MECOM: variants seen among roughly 807,000 people sequenced by gnomAD.
The protein encoded by MECOM is MDS1 and EVI1 complex locus, also known as histone-lysine N-methyltransferase MECOM.
Under a neutral mutation model 116.3 loss-of-function variants are expected in MECOM, and 13 were observed. That is an observed-to-expected ratio of 0.11 (90% confidence interval 0.07 to 0.18). The LOEUF (loss-of-function observed/expected upper bound fraction) is 0.18. Among genes scored for constraint, MECOM ranks in the 10% least tolerant of loss-of-function variants. MECOM has a pLI of 1.00. For synonymous variants in MECOM, 528 were observed against 535.2 expected (o/e 0.99, Z 0.19); for missense variants, 1,299 against 1,509.0 (o/e 0.86, Z 2.31).
intron 1 of MECOM, among the ~76,000 whole-genome samples, chr3:169,509,210 C>T (rs550566869): frequency 2.6e-5 from 4 of 152,238 alleles, no homozygotes; most frequent in African/African-American, 9.6e-5. Flanking sequence ...ACCAGCAGCT[C>T]CTGGTGTGAC....
At chr3:169,294,446 C>A (rs968757495) in intron 2 of MECOM, among the ~76,000 whole-genome samples, 4 of 152,128 alleles carry the variant, frequency 2.6e-5, no homozygotes, top group African/African-American at 9.7e-5. Context: ...CGTAAGGTCA[C>A]AAACAAAGTA....
intron 1 of MECOM, among the ~76,000 whole-genome samples, chr3:169,404,506 T>A (rs1736360653): frequency 1.3e-5 from 2 of 151,712 alleles, no homozygotes; most frequent in Non-Finnish European, 2.9e-5. Context: ...GCAGAGAAAA[T>A]CCAAAGCAAA....
At chr3:169,375,959 C>T (rs542737451) in intron 2 of MECOM, among the ~76,000 whole-genome samples, 3 of 152,238 alleles carry the variant, frequency 2.0e-5, no homozygotes, top group South Asian at 2.1e-4. Context: ...AATCCAGCAG[C>T]ACATCAGAAA....
chr3:169,099,854 T>C (rs1722935215), intron 12 of MECOM, among the ~76,000 whole-genome samples: 1 of 152,028 alleles, frequency 6.6e-6, no homozygotes, highest in Non-Finnish European at 1.5e-5. Context: ...GAAAGAGTAA[T>C]GTTGTCTATT....
intron 2 of MECOM, among the ~76,000 whole-genome samples, chr3:169,364,002 C>T (rs988447816): frequency 6.6e-6 from 1 of 151,936 alleles, no homozygotes; most frequent in East Asian, 1.9e-4. Context: ...TTCCTGCTTG[C>T]TTCTTAGTGA....
chr3:169,126,068 T>C (rs1336812378), intron 5 of MECOM, among the ~76,000 whole-genome samples: 2 of 152,138 alleles, frequency 1.3e-5, no homozygotes, highest in African/African-American at 2.4e-5. Context: ...GCTTTATCCA[T>C]ATGGCTGGAC....
At chr3:169,443,799 G>A (rs77685447) in intron 1 of MECOM, among the ~76,000 whole-genome samples, 1 of 152,068 alleles carries the variant, frequency 6.6e-6, no homozygotes, top group South Asian at 2.1e-4. Flanking sequence ...TTTAGCAATC[G>A]CTCCCTGAGG....
chr3:169,482,033 A>C (rs912795091), intron 1 of MECOM, among the ~76,000 whole-genome samples: 5 of 152,178 alleles, frequency 3.3e-5, no homozygotes, highest in Admixed American at 2.0e-4. Context: ...GGAATATGCT[A>C]TCTCTCTCCT....
chr3:169,436,857 T>G (rs1465804118), intron 1 of MECOM, among the ~76,000 whole-genome samples: 3 of 152,198 alleles, frequency 2.0e-5, no homozygotes, highest in African/African-American at 7.2e-5. Flanking sequence ...ATGTTTTGAC[T>G]AAAGAGTCCA....
At chr3:169,419,424 C>T (rs1739319041) in intron 1 of MECOM, among the ~76,000 whole-genome samples, 1 of 152,100 alleles carries the variant, frequency 6.6e-6, no homozygotes, top group African/African-American at 2.4e-5. Context: ...CAAATAAGAG[C>T]CCATATAGCC....
At chr3:169,176,182 C>T (rs904984661) in intron 2 of MECOM, among the ~76,000 whole-genome samples, 10 of 151,548 alleles carry the variant, frequency 6.6e-5, no homozygotes, top group African/African-American at 2.2e-4. Context: ...AGAAAGTTTG[C>T]TAATTTCTGT....
At chr3:169,378,519 AAAGAAAG>A (rs1731749819) in intron 2 of MECOM, among the ~76,000 whole-genome samples, 9 of 10,764 alleles carry the variant, frequency 8.4e-4, no homozygotes, top group Non-Finnish European at 1.5e-3. Context: ...GAAAGAAAAG[AAAGAAAG>A]AAAGAAAGAA....
intron 1 of MECOM, among the ~76,000 whole-genome samples, chr3:169,518,206 C>G (rs1392077673): frequency 6.6e-6 from 1 of 151,764 alleles, no homozygotes; most frequent in Admixed American, 6.6e-5. Context: ...TTGCAGTGAG[C>G]CGAGATCGCA....
chr3:169,132,125 C>A (rs1388883490), intron 3 of MECOM, among the ~76,000 whole-genome samples: 1 of 152,232 alleles, frequency 6.6e-6, no homozygotes, highest in African/African-American at 2.4e-5. Context: ...TGCCCTCAGG[C>A]CCAGCTCCTG....
At position 169,247,444 on chromosome 3, in the gene MECOM, T is replaced by C. The variant is rs190620240; in HGVS notation, c.376-103612A>G. The stretch of plus-strand genomic sequence containing the variant: ...CTTCAGCCTCCTGAGCAGCTGGGAT[T>C]ACTGGCATGCGCCACCACCCTGGCT... On this transcript the variant is annotated intron_variant, in intron 2 of 16. Coordinates refer to ENST00000651503, the MANE Select transcript of MECOM (RefSeq NM_004991.4). Among the ~76,000 whole-genome samples, 387 of 152,294 alleles carry C rather than the reference T, an allele frequency of 2.5e-3. 1 individual carries two copies. The highest frequency in any genetic ancestry group is 8.8e-3 in the African/African-American group (366 of 41,560).
intron 1 of MECOM, among the ~76,000 whole-genome samples, chr3:169,568,230 C>G (rs189818778): frequency 6.6e-6 from 1 of 152,304 alleles, no homozygotes; most frequent in African/African-American, 2.4e-5. Flanking sequence ...ACCCGCAGAC[C>G]AGGAGATTCC....
At position 169,344,004 on chromosome 3, in the gene MECOM, GT is replaced by G. The variant is rs566326515; in HGVS notation, c.375+37182del. ...TAACCTGAAGACATAAAATTGGCGA[GT>G]TCTTAAAATTGTTGGAAATAATATA... On this transcript the variant is annotated intron_variant, in intron 2 of 16. Coordinates refer to ENST00000651503, the MANE Select transcript of MECOM (RefSeq NM_004991.4). Among the ~76,000 whole-genome samples the G allele has an allele frequency of 3.4e-3, 511 of 152,090 alleles. 5 individuals are homozygous for G. The highest frequency in any genetic ancestry group is 0.012 in the African/African-American group (493 of 41,518).
chr3:169,542,326 A>G (rs77086404), intron 1 of MECOM, among the ~76,000 whole-genome samples: 1 of 102,484 alleles, frequency 9.8e-6, no homozygotes, highest in Non-Finnish European at 2.1e-5. Flanking sequence ...TGTCTTCTAG[A>G]AAAAAAAAAA....
At chr3:169,343,219 T>C (rs1724839030) in intron 2 of MECOM, among the ~76,000 whole-genome samples, 1 of 152,212 alleles carries the variant, frequency 6.6e-6, no homozygotes, top group Admixed American at 6.5e-5. Flanking sequence ...AAGTTGATTT[T>C]GTGAGTCCTT....
Sources: allele counts gnomAD v4.1 joint callset (sites outside exome capture counted in the v4.1 genomes callset), GRCh38; gene constraint gnomAD v4.1.1; transcripts MANE v1.5; gene names NCBI Gene and HGNC (gene_info 2026-07-23, HGNC 2026-07-21).